The following GPC6 variants were observed in gnomAD, a reference collection of about 807,000 sequenced individuals.
GPC6 encodes glypican-6.
In GPC6, 14 loss-of-function variants were observed where a neutral mutation model predicts 55.2. The ratio of observed to expected loss-of-function variants is 0.25; its 90% CI spans 0.17 to 0.40. The LOEUF (loss-of-function observed/expected upper bound fraction) is 0.40. Ranked by LOEUF, GPC6 falls within the 10% of genes least tolerant of loss-of-function variation. The pLI is 1.00. For synonymous variants in GPC6, 278 were observed against 259.6 expected (o/e 1.07, Z -0.68); for missense variants, 641 against 708.5 (o/e 0.90, Z 1.08).
intron 1 of GPC6, among the ~76,000 whole-genome samples, chr13:93,314,436 T>C (rs943529764): frequency 6.6e-5 from 10 of 152,156 alleles, no homozygotes; most frequent in African/African-American, 2.4e-4. Context: ...TAGGAACAGA[T>C]GACCAGGTTG....
At position 94,404,979 on chromosome 13, in the gene GPC6, G is replaced by A. The variant is rs1881309214; in HGVS notation, c.*1762G>A. 1 of 152,178 alleles carries A rather than the reference G, an allele frequency of 6.6e-6. No homozygotes were observed. 9.4% of individuals were successfully genotyped at this position (152,178 alleles called of 1,614,324 possible). ...AAAAGTAATGTTTCAAGACACCATAGTAGGCCAGTTACATTTTAATTAACT... is the reference window on the plus strand; with the variant it reads ...AAAAGTAATGTTTCAAGACACCATAATAGGCCAGTTACATTTTAATTAACT... On this transcript the variant is annotated 3_prime_UTR_variant, in exon 9 of 9. Coordinates refer to ENST00000377047, the MANE Select transcript of GPC6 (RefSeq NM_005708.5).
chr13:94,200,182 T>G (rs1889707495), intron 4 of GPC6, among the ~76,000 whole-genome samples: 1 of 151,706 alleles, frequency 6.6e-6, no homozygotes. Context: ...ACCACATGTT[T>G]CCAGGATCCT....
intron 4 of GPC6, among the ~76,000 whole-genome samples, chr13:94,151,553 C>T (rs1392163347): frequency 1.3e-5 from 2 of 152,050 alleles, no homozygotes; most frequent in African/African-American, 4.8e-5. Flanking sequence ...TATTTGAGCT[C>T]AACAGTGTTT....
At chr13:93,880,329 T>G (rs1220803010) in intron 3 of GPC6, among the ~76,000 whole-genome samples, 1 of 152,032 alleles carries the variant, frequency 6.6e-6, no homozygotes, top group Non-Finnish European at 1.5e-5. Context: ...TGTCCAATAA[T>G]GATAGACTGG....
At chr13:94,221,191 A>G (rs1890373129) in intron 4 of GPC6, among the ~76,000 whole-genome samples, 1 of 152,118 alleles carries the variant, frequency 6.6e-6, no homozygotes, top group South Asian at 2.1e-4. Context: ...ACCTATATCC[A>G]TAAACAGCTA....
At chr13:93,925,262 C>T (rs1877794892) in intron 3 of GPC6, among the ~76,000 whole-genome samples, 1 of 152,060 alleles carries the variant, frequency 6.6e-6, no homozygotes. Flanking sequence ...GTCTCCTTAA[C>T]TCCAAAGTCT....
intron 1 of GPC6, among the ~76,000 whole-genome samples, chr13:93,473,042 G>T (rs1319690819): frequency 5.9e-5 from 9 of 152,146 alleles, no homozygotes; most frequent in Admixed American, 5.9e-4. Context: ...GGCTTTTATG[G>T]GCCTCACATG....
At position 93,420,594 on chromosome 13, in the gene GPC6, T is replaced by C. The variant is rs1876888496; in HGVS notation, c.161-124669T>C. Among the ~76,000 whole-genome samples, 7 of 152,172 alleles carry C rather than the reference T, an allele frequency of 4.6e-5. No homozygotes were observed. In the South Asian group the frequency reaches 1.4e-3, roughly 32 times the overall value. ...GATTTTTAATTACAAGGAGAACCCA[T>C]GGAATGTTTGAAGAAGGAAAGTGAC... On this transcript the variant is annotated intron_variant, in intron 1 of 8. Transcript: ENST00000377047.
At chr13:93,879,039 G>C (rs1874783358) in intron 3 of GPC6, among the ~76,000 whole-genome samples, 1 of 152,036 alleles carries the variant, frequency 6.6e-6, no homozygotes, top group Non-Finnish European at 1.5e-5. Flanking sequence ...CAGAAGAGTA[G>C]TCAAAAAAGC....
intron 3 of GPC6, among the ~76,000 whole-genome samples, chr13:93,970,195 G>C (rs1253784096): frequency 6.6e-6 from 1 of 152,136 alleles, no homozygotes; most frequent in African/African-American, 2.4e-5. Context: ...TAATAAAGTA[G>C]TGATCCTTAC....
rs1222697499 is a variant in GPC6, at chr13:94,223,847, A to G, written c.878-62502A>G. 2.0e-5 allele frequency among the ~76,000 whole-genome samples: 3 copies of G among 152,168 alleles called. No homozygotes were observed. In the East Asian group the frequency reaches 5.8e-4, roughly 29 times the overall value. ...CACCTACTCACTAAAATGTATATGT[A>G]ACCCCAAAATCTGTATTTGCAGAGC... is the stretch of plus-strand genomic sequence containing the variant. On this transcript the variant is annotated intron_variant, in intron 4 of 8. Coordinates refer to ENST00000377047, the MANE Select transcript of GPC6 (RefSeq NM_005708.5).
At chr13:94,070,942 T>C (rs1212386181) in intron 4 of GPC6, among the ~76,000 whole-genome samples, 1 of 152,224 alleles carries the variant, frequency 6.6e-6, no homozygotes, top group African/African-American at 2.4e-5. Context: ...TGGTGTTTGG[T>C]TTAATTGATC....
chr13:93,641,497 A>G (rs1394120400), intron 2 of GPC6, among the ~76,000 whole-genome samples: 2 of 152,140 alleles, frequency 1.3e-5, no homozygotes, highest in Non-Finnish European at 2.9e-5. Flanking sequence ...AAATGAGGAT[A>G]GTAATAATAG....
At chr13:93,768,299 C>T (rs1885186874) in intron 2 of GPC6, among the ~76,000 whole-genome samples, 1 of 152,302 alleles carries the variant, frequency 6.6e-6, no homozygotes, top group African/African-American at 2.4e-5. Flanking sequence ...GCTTAACAGT[C>T]ATTTTCCCTG....
At chr13:94,210,464 A>T (rs1890045082) in intron 4 of GPC6, among the ~76,000 whole-genome samples, 2 of 152,120 alleles carry the variant, frequency 1.3e-5, no homozygotes, top group Admixed American at 1.3e-4. Flanking sequence ...GCAAAAGTTT[A>T]ACATTTTAAA....
intron 2 of GPC6, among the ~76,000 whole-genome samples, chr13:93,822,829 T>TTTA (rs530559267): frequency 0.055 from 8,132 of 148,430 alleles, 283 homozygotes; most frequent in African/African-American, 0.087. Flanking sequence ...CCACATTTTC[T>TTTA]TTATTATTAT....
chr13:93,831,415 C>T lies in GPC6; in HGVS notation c.711+870C>T, dbSNP rs1489870364. ...TAAAGAAGTAAAGTTAAAAATAATA[C>T]GTAACAGGAATCTGGTATTATGTCA... On this transcript the variant is annotated intron_variant, in intron 3 of 8. Coordinates refer to ENST00000377047, the MANE Select transcript of GPC6 (RefSeq NM_005708.5). 2.6e-5 allele frequency among the ~76,000 whole-genome samples: 4 copies of T among 152,070 alleles called. No homozygotes were observed. The East Asian group carries it at 5.8e-4, about 22-fold the overall frequency.
At chr13:93,398,840 C>T (rs1314705189) in intron 1 of GPC6, among the ~76,000 whole-genome samples, 3 of 152,116 alleles carry the variant, frequency 2.0e-5, no homozygotes, top group Non-Finnish European at 4.4e-5. Flanking sequence ...TGTCTGAGGG[C>T]AAAGCCTGTG....
intron 1 of GPC6, among the ~76,000 whole-genome samples, chr13:93,324,737 G>A (rs1309385328): frequency 6.6e-6 from 1 of 151,826 alleles, no homozygotes; most frequent in Non-Finnish European, 1.5e-5. Flanking sequence ...GGAGGATGTG[G>A]CTGTCTCATA....
Sources: gnomAD v4.1 joint callset for allele counts (sites outside exome capture counted in the v4.1 genomes callset) on GRCh38, gnomAD v4.1.1 for gene constraint, MANE v1.5 for transcripts, NCBI Gene and HGNC (gene_info 2026-07-23, HGNC 2026-07-21) for gene names.